CPA6: variants seen among roughly 807,000 people sequenced by gnomAD.
CPA6 encodes carboxypeptidase B.
A neutral mutation model predicts 63.3 loss-of-function variants in CPA6; 58 were observed. That is an observed-to-expected ratio of 0.92 (90% confidence interval 0.74 to 1.14). The LOEUF is 1.14. Among genes scored for constraint, CPA6 ranks in the 50% most tolerant of loss-of-function variants. CPA6 has a pLI of 0.00. For missense variants in CPA6, 565 were observed against 526.6 expected (o/e 1.07, Z -0.71); for synonymous variants, 185 against 179.0 (o/e 1.03, Z -0.27).
At chr8:67,622,291 T>C (rs1434862665) in intron 2 of CPA6, among the ~76,000 whole-genome samples, 1 of 152,260 alleles carries the variant, frequency 6.6e-6, no homozygotes, top group Admixed American at 6.5e-5. Flanking sequence ...CTTGCTTTGC[T>C]TCTTTGCAAT....
intron 1 of CPA6, among the ~76,000 whole-genome samples, chr8:67,678,336 A>G (rs1175068481): frequency 6.6e-6 from 1 of 152,158 alleles, no homozygotes; most frequent in Non-Finnish European, 1.5e-5. Flanking sequence ...GTGAGAGAAT[A>G]TTCACAATTT....
intron 2 of CPA6, among the ~76,000 whole-genome samples, chr8:67,549,078 A>C (rs542811428): frequency 6.6e-6 from 1 of 152,342 alleles, no homozygotes; most frequent in East Asian, 1.9e-4. Context: ...AAGCAAAAGA[A>C]AATGATGGAG....
intron 1 of CPA6, among the ~76,000 whole-genome samples, chr8:67,689,477 C>T (rs1198897171): frequency 2.0e-5 from 3 of 152,148 alleles, no homozygotes; most frequent in Admixed American, 1.3e-4. Context: ...TCTTTATGGC[C>T]ATGAGTACCC....
At chr8:67,688,046 C>T (rs918807703) in intron 1 of CPA6, among the ~76,000 whole-genome samples, 6 of 152,130 alleles carry the variant, frequency 3.9e-5, no homozygotes, top group African/African-American at 1.2e-4. Flanking sequence ...GTGATACATG[C>T]CTATAGTCCC....
In CPA6 at chr8:67,484,713, A is replaced by T; in HGVS notation, c.713T>A (p.Phe238Tyr). The T allele has an allele frequency of 6.2e-7, 1 of 1,609,364 alleles. No homozygotes were observed. Among genetic ancestry groups the T allele is most frequent in the South Asian group, 1.1e-5 (1 of 90,904 alleles). Residue 238 changes from phenylalanine to tyrosine, a missense_variant, in exon 7 of 11, where the codon TTT becomes TAT. Physicochemically the swap from Phe to Tyr is conservative, Grantham distance 22. Coordinates refer to ENST00000297770, the MANE Select transcript of CPA6 (RefSeq NM_020361.5). Reference sequence around the variant, plus strand: ...ACTAAAATGGTATCCATCGACGTTAAACACAGGCATGATATAGAAATATAG... The same window carrying T: ...ACTAAAATGGTATCCATCGACGTTATACACAGGCATGATATAGAAATATAG... ...NHLYFYIMPV[F>Y]NVDGYHFSWT...
At chr8:67,595,854 GCC>G (rs1194639301) in intron 2 of CPA6, among the ~76,000 whole-genome samples, 4 of 152,108 alleles carry the variant, frequency 2.6e-5, no homozygotes, top group Non-Finnish European at 5.9e-5. Flanking sequence ...GCAATGCCTC[GCC>G]CTGCTTCGGC....
At chr8:67,676,216 A>G (rs1816471120) in intron 1 of CPA6, among the ~76,000 whole-genome samples, 1 of 152,230 alleles carries the variant, frequency 6.6e-6, no homozygotes, top group African/African-American at 2.4e-5. Context: ...TTATCTGCAC[A>G]GATAAGGATC....
chr8:67,614,356 A>T (rs765126452), intron 2 of CPA6, among the ~76,000 whole-genome samples: 9 of 152,216 alleles, frequency 5.9e-5, no homozygotes, highest in Non-Finnish European at 1.3e-4. Flanking sequence ...CAGTACATGG[A>T]AGAGTCTGGA....
chr8:67,434,122 A>C lies in CPA6; in HGVS notation c.957T>G (p.Ala319=), dbSNP rs553327896. 131 of 1,613,946 alleles carry C rather than the reference A, an allele frequency of 8.1e-5. No homozygotes were observed. The highest frequency in any genetic ancestry group is 1.0e-4 in the Non-Finnish European group (120 of 1,179,970). The change falls in exon 9 of 11, where the codon GCT becomes GCG. Residue 319 remains alanine (A), a synonymous_variant. Coordinates refer to ENST00000297770, the MANE Select transcript of CPA6 (RefSeq NM_020361.5). Reference sequence around the variant, plus strand: ...GAGCATATGCATGAAAGGAGAGATAAGCCCTAATGTGCTTTCTGTGTTTTC... The same window carrying C: ...GAGCATATGCATGAAAGGAGAGATACGCCCTAATGTGCTTTCTGTGTTTTC... ...FLRKHRKHIR[A]YLSFHAYAQM...
intron 9 of CPA6, among the ~76,000 whole-genome samples, chr8:67,430,173 A>G (rs6982551): frequency 0.032 from 3,384 of 105,042 alleles, 68 homozygotes; most frequent in Middle Eastern, 0.048. Flanking sequence ...GTGTGTGTGT[A>G]TATATTTTGT....
intron 1 of CPA6, among the ~76,000 whole-genome samples, chr8:67,669,332 T>C (rs1816295376): frequency 6.6e-6 from 1 of 152,200 alleles, no homozygotes; most frequent in Non-Finnish European, 1.5e-5. Flanking sequence ...AGGCAACTGA[T>C]TATTATTTCA....
intron 1 of CPA6, among the ~76,000 whole-genome samples, chr8:67,733,504 ACT>A (rs1282929533): frequency 6.6e-6 from 1 of 151,836 alleles, no homozygotes; most frequent in Non-Finnish European, 1.5e-5. Context: ...CTCTCCTGAC[ACT>A]CTATCACCTT....
chr8:67,706,552 AG>A (rs1272589796), intron 1 of CPA6, among the ~76,000 whole-genome samples: 1 of 152,182 alleles, frequency 6.6e-6, no homozygotes. Context: ...GTTAGGGTAA[AG>A]CTAAAGATTT....
intron 2 of CPA6, among the ~76,000 whole-genome samples, chr8:67,593,430 T>C (rs917802496): frequency 1.3e-4 from 20 of 152,324 alleles, no homozygotes; most frequent in African/African-American, 3.8e-4. Flanking sequence ...GTTCAATTCC[T>C]GGGTATCCTT....
chr8:67,509,506 C>T lies in CPA6; in HGVS notation c.534+11G>A. ...ACATTATGTATTTACACAGCAATTG[C>T]TTATTTTTACCTTTAAAATAAAAAG... On this transcript the variant is annotated intron_variant, in intron 5 of 10. Transcript: ENST00000297770. The T allele has an allele frequency of 7.7e-7, 1 of 1,299,488 alleles. No homozygotes were observed. Among genetic ancestry groups the T allele is most frequent in the Non-Finnish European group, 1.1e-6 (1 of 906,214 alleles). The allele number at this position is 1,299,488 out of a possible 1,614,324, so 80.5% of individuals were successfully genotyped here. A position where few individuals can be genotyped will look rare whatever the true frequency, so the allele number is the denominator to read the frequency against.
intron 2 of CPA6, among the ~76,000 whole-genome samples, chr8:67,599,507 T>C (rs1814437530): frequency 2.0e-5 from 3 of 152,190 alleles, no homozygotes; most frequent in Admixed American, 2.0e-4. Flanking sequence ...CCTTATGGCC[T>C]AATAGATACT....
At chr8:67,433,981 T>C in intron 9 of CPA6, 57 bp downstream of exon 9, 1 of 1,246,964 alleles carries the variant, frequency 8.0e-7, no homozygotes, top group Non-Finnish European at 1.2e-6. Flanking sequence ...TAGAACCATC[T>C]TAGCTTCAGA....
chr8:67,568,855 A>G (rs1813410053), intron 2 of CPA6, among the ~76,000 whole-genome samples: 1 of 152,176 alleles, frequency 6.6e-6, no homozygotes, highest in African/African-American at 2.4e-5. Context: ...GGTTCAGGTG[A>G]TTCTACTGCC....
chr8:67,729,694 A>C (rs1193786091), intron 1 of CPA6, among the ~76,000 whole-genome samples: 1 of 152,254 alleles, frequency 6.6e-6, no homozygotes, highest in African/African-American at 2.4e-5. Flanking sequence ...AATGGCAACA[A>C]AGACGGGTAT....
Sources: gnomAD v4.1 joint callset for allele counts (sites outside exome capture counted in the v4.1 genomes callset) on GRCh38, gnomAD v4.1.1 for gene constraint, MANE v1.5 for transcripts, NCBI Gene and HGNC (gene_info 2026-07-23, HGNC 2026-07-21) for gene names.